FHOD3: variants seen among roughly 807,000 people sequenced by gnomAD.
FHOD3 encodes FH1/FH2 domain-containing protein 3.
Under a neutral mutation model 173.0 loss-of-function variants are expected in FHOD3, and 90 were observed. The ratio of observed to expected loss-of-function variants is 0.52; its 90% CI spans 0.44 to 0.62. The LOEUF is 0.62. FHOD3 is among the 20% of genes least tolerant of loss of function. The pLI, the probability that FHOD3 is intolerant of heterozygous loss-of-function variation, is 0.00. For missense variants in FHOD3, 1,945 were observed against 2,034.7 expected (o/e 0.96, Z 0.85); for synonymous variants, 828 against 823.0 (o/e 1.01, Z -0.10).
At chr18:36,314,091 A>C (rs942645795) in intron 1 of FHOD3, among the ~76,000 whole-genome samples, 3 of 152,156 alleles carry the variant, frequency 2.0e-5, no homozygotes, top group Non-Finnish European at 4.4e-5. Context: ...TTCAGAATGT[A>C]AGCACTTTTT....
chr18:36,615,350 T>C (rs1054344658), intron 9 of FHOD3, among the ~76,000 whole-genome samples: 9 of 152,128 alleles, frequency 5.9e-5, no homozygotes, highest in African/African-American at 1.9e-4. Context: ...TATATACTCA[T>C]TGATGAAAAT....
chr18:36,567,063 A>C (rs572561825), intron 5 of FHOD3, among the ~76,000 whole-genome samples: 109 of 152,270 alleles, frequency 7.2e-4, no homozygotes, highest in African/African-American at 2.4e-3. Context: ...AGCCTGGGTG[A>C]CTGGGTGATG....
chr18:36,418,238 A>G (rs1246238626), intron 3 of FHOD3, among the ~76,000 whole-genome samples: 1 of 152,206 alleles, frequency 6.6e-6, no homozygotes, highest in East Asian at 1.9e-4. Flanking sequence ...TGGTGATCTG[A>G]GTATAGATGT....
chr18:36,644,551 G>C (rs1568542242), intron 10 of FHOD3, among the ~76,000 whole-genome samples: 1 of 152,164 alleles, frequency 6.6e-6, no homozygotes, highest in Non-Finnish European at 1.5e-5. Context: ...CCTTGGTTCT[G>C]CCCTGCCACT....
intron 5 of FHOD3, among the ~76,000 whole-genome samples, chr18:36,549,678 C>G (rs1298032986): frequency 1.3e-5 from 2 of 150,384 alleles, no homozygotes; most frequent in Admixed American, 6.6e-5. Flanking sequence ...GCTGGGACTA[C>G]AGGCGCCCTC....
chr18:36,769,458 C>T (rs2043280217), intron 28 of FHOD3, 32 bp downstream of exon 28: 1 of 1,605,934 alleles, frequency 6.2e-7, no homozygotes, highest in Non-Finnish European at 8.5e-7. Flanking sequence ...CGAGCCTTCA[C>T]CCCTACAGGG....
rs898024976 is a variant in FHOD3 at position 36,685,613 on chromosome 18, C to T, written c.1971-1515C>T. Among the ~76,000 whole-genome samples, 9 of 152,252 alleles carry T rather than the reference C, an allele frequency of 5.9e-5. No homozygotes were observed. The South Asian group carries it at 1.0e-3, about 18-fold the overall frequency. On this transcript the variant is annotated intron_variant, in intron 15 of 28. Coordinates refer to ENST00000590592, the MANE Select transcript of FHOD3 (RefSeq NM_001281740.3). ...AGTGATGAGGTTGGATGTTTATAAA[C>T]GATGACAAATCTGAGTCCTTGTTGC...
chr18:36,594,951 G>C, intron 7 of FHOD3, 53 bp downstream of exon 7: 1 of 1,197,482 alleles, frequency 8.4e-7, no homozygotes, highest in Non-Finnish European at 1.2e-6. Flanking sequence ...CTAATGTAGG[G>C]AGGCTTCTGT....
chr18:36,596,141 T>C (rs538368553), intron 7 of FHOD3, among the ~76,000 whole-genome samples: 1 of 151,992 alleles, frequency 6.6e-6, no homozygotes, highest in Non-Finnish European at 1.5e-5. Flanking sequence ...TCTGTGATTT[T>C]TTTTTGTTTT....
In FHOD3 at chr18:36,718,719, C is replaced by G. The variant is rs760847149; in HGVS notation, c.3417+4C>G. ...CAAGGAACTGTCTGTCTCAAAGGTACTGCTAGTCTTCAGCATGCTTCTTGA... is the reference window on the plus strand; with the variant it reads ...CAAGGAACTGTCTGTCTCAAAGGTAGTGCTAGTCTTCAGCATGCTTCTTGA... On this transcript the variant is annotated splice_donor_region_variant and intron_variant, in intron 19 of 28. Coordinates refer to ENST00000590592, the MANE Select transcript of FHOD3 (RefSeq NM_001281740.3). 1.9e-6 allele frequency: 3 copies of G among 1,608,084 alleles called. No homozygotes were observed. The South Asian group carries it at 3.3e-5, about 18-fold the overall frequency.
intron 3 of FHOD3, among the ~76,000 whole-genome samples, chr18:36,394,058 G>T (rs1161291705): frequency 6.6e-6 from 1 of 152,144 alleles, no homozygotes; most frequent in African/African-American, 2.4e-5. Context: ...GAGTGAATTT[G>T]CTAACAAAGC....
chr18:36,356,168 A>G (rs1397074781), intron 2 of FHOD3, among the ~76,000 whole-genome samples: 1 of 152,266 alleles, frequency 6.6e-6, no homozygotes, highest in Non-Finnish European at 1.5e-5. Context: ...ATTGTATTCA[A>G]TGATAATTTA....
chr18:36,732,843 A>C (rs2149948657), intron 20 of FHOD3, among the ~76,000 whole-genome samples: 1 of 152,264 alleles, frequency 6.6e-6, no homozygotes, highest in East Asian at 1.9e-4. Flanking sequence ...CCAAGTGCAA[A>C]GCGTGTCCCC....
chr18:36,497,110 G>A (rs529537926), intron 3 of FHOD3, among the ~76,000 whole-genome samples: 1 of 152,236 alleles, frequency 6.6e-6, no homozygotes, highest in East Asian at 1.9e-4. Context: ...TTTGGGAACA[G>A]TACTACATAT....
intron 20 of FHOD3, among the ~76,000 whole-genome samples, chr18:36,734,450 A>G (rs1344320216): frequency 1.3e-5 from 2 of 152,068 alleles, no homozygotes; most frequent in Admixed American, 6.6e-5. Flanking sequence ...ACCCTGGTTG[A>G]GAGCCCCTGA....
chr18:36,634,160 G>A (rs1231940854), intron 10 of FHOD3, among the ~76,000 whole-genome samples: 5 of 152,326 alleles, frequency 3.3e-5, no homozygotes, highest in African/African-American at 9.6e-5. Context: ...CAGGTGGTAG[G>A]ATGCGGGTAG....
intron 3 of FHOD3, among the ~76,000 whole-genome samples, chr18:36,395,926 T>C (rs2048534580): frequency 6.6e-6 from 1 of 152,194 alleles, no homozygotes; most frequent in Non-Finnish European, 1.5e-5. Flanking sequence ...CCTAAATAAA[T>C]TGAAGAGGGT....
At chr18:36,591,365 G>A (rs1339891990) in intron 6 of FHOD3, among the ~76,000 whole-genome samples, 1 of 152,176 alleles carries the variant, frequency 6.6e-6, no homozygotes, top group Non-Finnish European at 1.5e-5. Context: ...AATGGTTGGG[G>A]CGGAGGCGGG....
chr18:36,717,932 C>A lies in FHOD3; in HGVS notation c.2634C>A (p.Asn878Lys). 1 of 1,614,026 alleles carries A rather than the reference C, an allele frequency of 6.2e-7. No homozygotes were observed. Among genetic ancestry groups the A allele is most frequent in the Non-Finnish European group, 8.5e-7 (1 of 1,179,994 alleles). ...RFMLDMLYAH[N>K]RKSPDDEEKG... ...TGCTTGACATGCTGTATGCCCATAACAGGAAGTCTCCGGATGATGAGGAGA... is the reference window on the plus strand; with the variant it reads ...TGCTTGACATGCTGTATGCCCATAAAAGGAAGTCTCCGGATGATGAGGAGA... Residue 878 changes from asparagine (N) to lysine (K), a missense_variant, in exon 19 of 29, where the codon AAC becomes AAA. This residue lies in a region of FHOD3 where 1,099 missense variants were observed against 1,051.2 expected (regional missense o/e 1.05). Coordinates refer to ENST00000590592, the MANE Select transcript of FHOD3 (RefSeq NM_001281740.3).
Sources: allele counts gnomAD v4.1 joint callset (sites outside exome capture counted in the v4.1 genomes callset), GRCh38; gene constraint gnomAD v4.1.1; regional missense constraint gnomAD v4.1.1; transcripts MANE v1.5; gene names NCBI Gene and HGNC (gene_info 2026-07-23, HGNC 2026-07-21).